RNF216: variants seen among roughly 807,000 people sequenced by gnomAD.
The protein encoded by RNF216 is E3 ubiquitin-protein ligase RNF216.
In RNF216, 72 loss-of-function variants were observed where a neutral mutation model predicts 110.8. The observed-to-expected ratio is 0.65, with a 90% CI of 0.54 to 0.79. RNF216 has a LOEUF of 0.79. Ranked by LOEUF, RNF216 falls within the 30% of genes least tolerant of loss-of-function variation. RNF216 has a pLI of 0.00. For missense variants in RNF216, 1,342 were observed against 1,141.2 expected (o/e 1.18, Z -2.54); for synonymous variants, 495 against 407.5 (o/e 1.21, Z -2.59).
intron 15 of RNF216, among the ~76,000 whole-genome samples, chr7:5,628,227 G>A (rs1318551956): frequency 6.6e-6 from 1 of 152,110 alleles, no homozygotes; most frequent in Non-Finnish European, 1.5e-5. Context: ...AAGACCATTT[G>A]CCCTTGAGTC....
At chr7:5,750,827 C>T (rs574715426) in intron 3 of RNF216, among the ~76,000 whole-genome samples, 58 of 152,340 alleles carry the variant, frequency 3.8e-4, no homozygotes, top group Admixed American at 6.5e-4. Context: ...TCAGTAGTAG[C>T]CTCTGCAGAT....
At chr7:5,677,879 G>C (rs1175697477) in intron 13 of RNF216, among the ~76,000 whole-genome samples, 1 of 152,216 alleles carries the variant, frequency 6.6e-6, no homozygotes, top group East Asian at 1.9e-4. Context: ...TAGAAAAACA[G>C]CTCTTTGCTC....
intron 4 of RNF216, among the ~76,000 whole-genome samples, chr7:5,740,415 C>A (rs891644360): frequency 1.3e-5 from 2 of 152,126 alleles, no homozygotes; most frequent in Admixed American, 6.5e-5. Context: ...TGTGAGCCAG[C>A]ACGCCCAGCC....
intron 5 of RNF216, among the ~76,000 whole-genome samples, chr7:5,738,087 C>CAAAAAAAAAAAAAAAAAAAAAAAAAA (rs200643372): frequency 9.0e-6 from 1 of 111,004 alleles, no homozygotes; most frequent in African/African-American, 4.0e-5. Flanking sequence ...AGACTGTCTC[C>CAAAAAAAAAAAAAAAAAAAAAAAAAA]AAAAAAAAAA....
chr7:5,675,714 CT>C (rs754444984), intron 13 of RNF216, among the ~76,000 whole-genome samples: 118 of 140,886 alleles, frequency 8.4e-4, no homozygotes, highest in Admixed American at 1.1e-3. Context: ...TATTCAAATT[CT>C]TTTTTTTTTT....
chr7:5,690,617 T>C (rs772109184), intron 13 of RNF216, among the ~76,000 whole-genome samples: 2 of 152,152 alleles, frequency 1.3e-5, no homozygotes, highest in African/African-American at 2.4e-5. Flanking sequence ...AAGCATCACA[T>C]AACCCTAAAT....
intron 13 of RNF216, among the ~76,000 whole-genome samples, chr7:5,699,201 A>G (rs572871719): frequency 1.3e-5 from 2 of 152,312 alleles, no homozygotes; most frequent in Admixed American, 1.3e-4. Context: ...CTCCTTCAGT[A>G]TAATTTTGAA....
At chr7:5,663,844 G>C (rs963346840) in intron 13 of RNF216, among the ~76,000 whole-genome samples, 4 of 152,112 alleles carry the variant, frequency 2.6e-5, no homozygotes, top group African/African-American at 7.2e-5. Flanking sequence ...GGTGCAATGA[G>C]CCGAGATCCT....
chr7:5,667,125 T>C (rs534050052), intron 13 of RNF216, among the ~76,000 whole-genome samples: 3 of 152,280 alleles, frequency 2.0e-5, no homozygotes, highest in African/African-American at 7.2e-5. Context: ...TTTTAAACTA[T>C]AAACTGTGGC....
intron 1 of RNF216, among the ~76,000 whole-genome samples, chr7:5,762,693 AAAAC>A (rs201661041): frequency 2.5e-4 from 38 of 152,000 alleles, no homozygotes; most frequent in African/African-American, 7.5e-4. Flanking sequence ...CTCTGTCTCG[AAAAC>A]AAACAAACAA....
intron 5 of RNF216, among the ~76,000 whole-genome samples, chr7:5,737,597 G>A (rs1794501870): frequency 6.6e-6 from 1 of 151,702 alleles, no homozygotes; most frequent in Admixed American, 6.6e-5. Flanking sequence ...TACAGAGGTG[G>A]GATCAGACAA....
chr7:5,779,252 T>C (rs1305103754), intron 1 of RNF216, among the ~76,000 whole-genome samples: 1 of 152,158 alleles, frequency 6.6e-6, no homozygotes, highest in Non-Finnish European at 1.5e-5. Context: ...AACCCTTCTT[T>C]ATCAGATTTC....
intron 1 of RNF216, among the ~76,000 whole-genome samples, chr7:5,776,863 T>A (rs933140651): frequency 8.1e-6 from 1 of 123,124 alleles, no homozygotes; most frequent in Non-Finnish European, 1.6e-5. Context: ...ATTGTGCCAC[T>A]GCACTCCAGC....
At chr7:5,760,127 C>T (rs942797037) in intron 2 of RNF216, among the ~76,000 whole-genome samples, 40 of 152,094 alleles carry the variant, frequency 2.6e-4, no homozygotes, top group African/African-American at 8.9e-4. Context: ...AATGTGAATT[C>T]GAATTTAACA....
At chr7:5,727,238 C>A (rs902733212) in intron 7 of RNF216, among the ~76,000 whole-genome samples, 1 of 152,196 alleles carries the variant, frequency 6.6e-6, no homozygotes, top group African/African-American at 2.4e-5. Context: ...CTTTCTTCTT[C>A]CCCTCTTTGT....
chr7:5,632,522 T>A (rs533440946), intron 15 of RNF216, among the ~76,000 whole-genome samples: 1 of 152,184 alleles, frequency 6.6e-6, no homozygotes, highest in African/African-American at 2.4e-5. Flanking sequence ...AGCGTAATGA[T>A]GTGTCAGGCC....
intron 13 of RNF216, among the ~76,000 whole-genome samples, chr7:5,686,326 A>G (rs180750297): frequency 2.6e-5 from 4 of 152,124 alleles, no homozygotes; most frequent in African/African-American, 9.6e-5. Context: ...CACCTCTGTC[A>G]AAGAGCCCTT....
intron 3 of RNF216, among the ~76,000 whole-genome samples, chr7:5,750,507 T>C (rs891803001): frequency 1.3e-5 from 2 of 152,258 alleles, no homozygotes; most frequent in African/African-American, 4.8e-5. Flanking sequence ...GCCTGTTATT[T>C]AGATTGCAGC....
intron 13 of RNF216, among the ~76,000 whole-genome samples, chr7:5,700,000 G>A (rs935046325): frequency 1.3e-5 from 2 of 152,208 alleles, no homozygotes; most frequent in African/African-American, 2.4e-5. Context: ...CCACCCAACA[G>A]CAGCTTCAGC....
Sources: allele counts gnomAD v4.1 joint callset (sites outside exome capture counted in the v4.1 genomes callset), GRCh38; gene constraint gnomAD v4.1.1; transcripts MANE v1.5; gene names NCBI Gene and HGNC (gene_info 2026-07-23, HGNC 2026-07-21).